PRKAG2: variants seen among roughly 807,000 people sequenced by gnomAD.
PRKAG2 encodes protein kinase AMP-activated non-catalytic subunit gamma 2, also known as 5'-AMP-activated protein kinase subunit gamma-2.
PRKAG2 carries 26 observed loss-of-function variants against 69.6 expected under a neutral mutation model. That is an observed-to-expected ratio of 0.37 (90% CI 0.27 to 0.52). The LOEUF (loss-of-function observed/expected upper bound fraction) is 0.52, where lower values mean the gene tolerates loss of function less well. Ranked by LOEUF, PRKAG2 falls within the 20% of genes least tolerant of loss-of-function variation. The probability of loss-of-function intolerance (pLI) is 0.90; values close to 1 mark genes in which losing one functional copy is unlikely to be tolerated. For missense variants in PRKAG2, 557 were observed against 740.0 expected (o/e 0.75, Z 2.87); for synonymous variants, 293 against 285.0 (o/e 1.03, Z -0.28).
rs150114208 is a variant in PRKAG2 at position 151,874,647 on chromosome 7, G to A, written c.114+1860C>T. Among the ~76,000 whole-genome samples the A allele has an allele frequency of 2.8e-3, 422 of 152,324 alleles. 2 individuals carry two copies. The highest frequency in any genetic ancestry group is 9.3e-3 in the African/African-American group (386 of 41,560). On this transcript the variant is annotated intron_variant, in intron 1 of 15. Coordinates refer to ENST00000287878, the MANE Select transcript of PRKAG2 (RefSeq NM_016203.4). ...CGCCTGTAATCCCAGCACTTTGAGA[G>A]GTCAAGGTGGGCGGGTCACTCGAGC...
At chr7:151,838,871 C>T (rs2079210765) in intron 1 of PRKAG2, among the ~76,000 whole-genome samples, 1 of 151,882 alleles carries the variant, frequency 6.6e-6, no homozygotes, top group East Asian at 1.9e-4. Context: ...AAAAATTAGC[C>T]AGGCGTGTTG....
intron 6 of PRKAG2, among the ~76,000 whole-genome samples, chr7:151,592,226 G>A (rs982513401): frequency 1.3e-5 from 2 of 152,214 alleles, no homozygotes; most frequent in African/African-American, 4.8e-5. Context: ...CTGCTGGGCT[G>A]GCCCCTGCTG....
intron 1 of PRKAG2, among the ~76,000 whole-genome samples, chr7:151,803,936 T>TC (rs2077970759): frequency 1.8e-5 from 1 of 56,764 alleles, no homozygotes; most frequent in African/African-American, 1.1e-4. Flanking sequence ...AGACTATGTC[T>TC]CAAAAAAAAA....
intron 1 of PRKAG2, among the ~76,000 whole-genome samples, chr7:151,822,740 G>C (rs558983394): frequency 6.6e-6 from 1 of 152,156 alleles, no homozygotes; most frequent in South Asian, 2.1e-4. Context: ...TGGCTGTGTG[G>C]AGCCAGGGTC....
At chr7:151,795,669 G>GGGT (rs1199658137) in intron 1 of PRKAG2, among the ~76,000 whole-genome samples, 1 of 151,836 alleles carries the variant, frequency 6.6e-6, no homozygotes, top group Non-Finnish European at 1.5e-5. Context: ...TGAATGATGT[G>GGGT]GGTGGGCCTC....
intron 1 of PRKAG2, among the ~76,000 whole-genome samples, chr7:151,822,079 G>A (rs1200294436): frequency 6.6e-6 from 1 of 152,190 alleles, no homozygotes; most frequent in Non-Finnish European, 1.5e-5. Flanking sequence ...CTCACCCCAT[G>A]ACAACTGCCA....
chr7:151,776,619 C>A (rs2076363941), intron 3 of PRKAG2, among the ~76,000 whole-genome samples: 1 of 152,244 alleles, frequency 6.6e-6, no homozygotes, highest in Non-Finnish European at 1.5e-5. Context: ...GTCCCGCTCC[C>A]TTCGCAGCTG....
rs1466652269 is a variant in PRKAG2 at position 151,748,004 on chromosome 7, T to C, written c.466+33148A>G. On this transcript the variant is annotated intron_variant, in intron 3 of 15. Coordinates refer to ENST00000287878, the MANE Select transcript of PRKAG2 (RefSeq NM_016203.4). ...TGGCACAATCTCAGCTCACTGTAAC[T>C]GCCACCTCCCAGACTCAGCAATCCT... 3.3e-5 allele frequency among the ~76,000 whole-genome samples: 5 copies of C among 149,786 alleles called. No individual in the cohort carries two copies. The East Asian group carries it at 1.0e-3, about 30-fold the overall frequency.
At chr7:151,600,129 T>G (rs992550876) in intron 5 of PRKAG2, among the ~76,000 whole-genome samples, 1 of 152,176 alleles carries the variant, frequency 6.6e-6, no homozygotes, top group African/African-American at 2.4e-5. Context: ...TCAGCCAAGC[T>G]GATCCCCCTC....
chr7:151,876,003 C>T (rs2080389955), intron 1 of PRKAG2, among the ~76,000 whole-genome samples: 2 of 151,576 alleles, frequency 1.3e-5, no homozygotes, highest in African/African-American at 4.9e-5. Flanking sequence ...GGAGGGGGTG[C>T]ATTGGAAGAC....
chr7:151,567,074 A>G lies in PRKAG2; in HGVS notation c.1234-1189T>C, dbSNP rs75718857. Among the ~76,000 whole-genome samples, 4 of 152,352 alleles carry G rather than the reference A, an allele frequency of 2.6e-5. No individual in the cohort carries two copies. Among genetic ancestry groups the G allele is most frequent in the African/African-American group, 7.2e-5 (3 of 41,578 alleles). Reference sequence around the variant, plus strand: ...ACGCTTTTACTCCCTCTTGTGCAACAGCACACTAGCAGAAATAGTTTGGGC... The same window carrying G: ...ACGCTTTTACTCCCTCTTGTGCAACGGCACACTAGCAGAAATAGTTTGGGC... On this transcript the variant is annotated intron_variant, in intron 11 of 15. Transcript: ENST00000287878. This position sits in a 1 kb window ranked among gnomAD's most constrained non-coding sequence, Gnocchi z 4.2.
At chr7:151,562,930 C>G (rs113418819) in intron 14 of PRKAG2, among the ~76,000 whole-genome samples, 2,679 of 144,276 alleles carry the variant, frequency 0.019, 31 homozygotes, top group Middle Eastern at 0.034. Flanking sequence ...ACTCCAGCCT[C>G]GGCGACAGAG....
At chr7:151,816,007 G>A (rs2078628168) in intron 1 of PRKAG2, among the ~76,000 whole-genome samples, 1 of 152,220 alleles carries the variant, frequency 6.6e-6, no homozygotes, top group Non-Finnish European at 1.5e-5. Flanking sequence ...GCAACACAAG[G>A]TGGAAAAAGA....
intron 3 of PRKAG2, among the ~76,000 whole-genome samples, chr7:151,774,064 G>C (rs1027650416): frequency 2.0e-5 from 3 of 152,172 alleles, no homozygotes; most frequent in Non-Finnish European, 4.4e-5. Flanking sequence ...TGCATTAGAG[G>C]GAGAGACGGA....
chr7:151,614,108 A>G lies in PRKAG2; in HGVS notation c.754+17961T>C, dbSNP rs1304694866. Among the ~76,000 whole-genome samples, 2 of 152,150 alleles carry G rather than the reference A, an allele frequency of 1.3e-5. No homozygotes were observed. Among genetic ancestry groups the G allele is most frequent in the Non-Finnish European group, 2.9e-5 (2 of 68,014 alleles). On this transcript the variant is annotated intron_variant, in intron 5 of 15. Transcript: ENST00000287878. This position sits in a 1 kb window ranked among gnomAD's most constrained non-coding sequence, Gnocchi z 4.4. Reference sequence around the variant, plus strand: ...CAACTCTCTGGTCTCACTGGAGCCGACCAGGAGGTGCCCCGTTCCCACGGC... The same window carrying G: ...CAACTCTCTGGTCTCACTGGAGCCGGCCAGGAGGTGCCCCGTTCCCACGGC...
intron 5 of PRKAG2, among the ~76,000 whole-genome samples, chr7:151,625,527 T>C (rs996673472): frequency 2.0e-5 from 3 of 151,992 alleles, no homozygotes; most frequent in African/African-American, 7.3e-5. Context: ...GAAGGAAATA[T>C]CTCCAACAGC....
chr7:151,806,647 GA>G, intron 1 of PRKAG2: 1 of 188,234 alleles, frequency 5.3e-6, no homozygotes. Flanking sequence ...GGAGGAGACA[GA>G]AGGAGTCTTG....
chr7:151,562,558 T>C lies in PRKAG2; in HGVS notation c.1584+1520A>G, dbSNP rs77424390. ...ATGTTTCTCTAAAAAAGCTTTCAGGTTCATCAGTAATCCTGTGATATAACA... is the reference window on the plus strand; with the variant it reads ...ATGTTTCTCTAAAAAAGCTTTCAGGCTCATCAGTAATCCTGTGATATAACA... On this transcript the variant is annotated intron_variant, in intron 14 of 15. Coordinates refer to ENST00000287878, the MANE Select transcript of PRKAG2 (RefSeq NM_016203.4). 7.9e-3 allele frequency among the ~76,000 whole-genome samples: 1,207 copies of C among 152,260 alleles called. 12 individuals are homozygous for C. Among genetic ancestry groups the C allele is most frequent in the Non-Finnish European group, 0.011 (768 of 68,012 alleles).
Position 151,739,206 on chromosome 7 carries a change from C to T in PRKAG2, c.466+41946G>A, listed in dbSNP as rs150180878. 2.9e-3 allele frequency among the ~76,000 whole-genome samples: 445 copies of T among 152,312 alleles called. 3 individuals carry two copies. The highest frequency in any genetic ancestry group is 9.8e-3 in the African/African-American group (407 of 41,572). On this transcript the variant is annotated intron_variant, in intron 3 of 15. Coordinates refer to ENST00000287878, the MANE Select transcript of PRKAG2 (RefSeq NM_016203.4). ...CATCGACTGGTAGAGCAACTGCTCA[C>T]GTGATTGGACCTGACCTATTAAAGA... is the stretch of plus-strand genomic sequence containing the variant.
Sources: gnomAD v4.1 joint callset for allele counts (sites outside exome capture counted in the v4.1 genomes callset) on GRCh38, gnomAD v4.1.1 for gene constraint, Gnocchi (gnomAD v3.1) non-coding constraint, MANE v1.5 for transcripts, NCBI Gene and HGNC (gene_info 2026-07-23, HGNC 2026-07-21) for gene names.